Variants in FCHSD2 observed in about 807,000 individuals in gnomAD.
FCHSD2 encodes the protein F-BAR and double SH3 domains protein 2.
FCHSD2 carries 38 observed loss-of-function variants against 108.1 expected under a neutral mutation model. The observed-to-expected ratio is 0.35, with a 90% CI of 0.27 to 0.46. The LOEUF is 0.46. Ranked by LOEUF, FCHSD2 falls within the 20% of genes least tolerant of loss-of-function variation. The pLI is 1.00. For missense variants in FCHSD2, 751 were observed against 897.8 expected (o/e 0.84, Z 2.09); for synonymous variants, 279 against 314.7 (o/e 0.89, Z 1.20).
chr11:72,947,173 T>C (rs1856537028), intron 8 of FCHSD2, among the ~76,000 whole-genome samples: 2 of 152,198 alleles, frequency 1.3e-5, no homozygotes, highest in African/African-American at 4.8e-5. Flanking sequence ...TTCCAATATA[T>C]CTTATTTCTT....
chr11:72,944,594 A>C (rs1856483204), intron 8 of FCHSD2, among the ~76,000 whole-genome samples: 1 of 152,174 alleles, frequency 6.6e-6, no homozygotes, highest in African/African-American at 2.4e-5. Context: ...TAATTAGGAA[A>C]AGAGGAAGTC....
chr11:73,083,342 A>G (rs1420437748), intron 3 of FCHSD2, among the ~76,000 whole-genome samples: 2 of 152,158 alleles, frequency 1.3e-5, no homozygotes, highest in African/African-American at 4.8e-5. Flanking sequence ...TAAGGTCAAG[A>G]GATCGAGACC....
chr11:73,089,590 G>A (rs1233190639), intron 2 of FCHSD2, among the ~76,000 whole-genome samples: 1 of 152,144 alleles, frequency 6.6e-6, no homozygotes, highest in Non-Finnish European at 1.5e-5. Context: ...ATAATGGAAT[G>A]TTATTCAGCC....
chr11:72,997,061 C>G (rs1857531572), intron 5 of FCHSD2, among the ~76,000 whole-genome samples: 1 of 152,106 alleles, frequency 6.6e-6, no homozygotes, highest in South Asian at 2.1e-4. Context: ...TGCAGAAAAG[C>G]AAGTCCAAAA....
chr11:72,965,873 T>C (rs1310690928), intron 8 of FCHSD2, among the ~76,000 whole-genome samples: 2 of 152,230 alleles, frequency 1.3e-5, no homozygotes, highest in Non-Finnish European at 2.9e-5. Flanking sequence ...CTGTGTGTAA[T>C]ACAGTCATAA....
chr11:72,874,102 A>T (rs1854919202), intron 12 of FCHSD2, among the ~76,000 whole-genome samples: 2 of 152,204 alleles, frequency 1.3e-5, no homozygotes, highest in African/African-American at 4.8e-5. Flanking sequence ...ATAAAAAAAA[A>T]TTTAATGTGC....
intron 8 of FCHSD2, among the ~76,000 whole-genome samples, chr11:72,929,561 T>A (rs2135323366): frequency 6.6e-6 from 1 of 152,254 alleles, no homozygotes; most frequent in East Asian, 1.9e-4. Context: ...TATGATTTGC[T>A]CCAGCCCCCT....
chr11:73,021,771 C>T (rs563733061), intron 3 of FCHSD2, among the ~76,000 whole-genome samples: 21 of 152,102 alleles, frequency 1.4e-4, no homozygotes, highest in East Asian at 3.9e-4. Context: ...CAGAAGAATA[C>T]GTCCTTAACC....
chr11:72,941,552 C>G (rs1363674965), intron 8 of FCHSD2, among the ~76,000 whole-genome samples: 1 of 151,760 alleles, frequency 6.6e-6, no homozygotes, highest in Non-Finnish European at 1.5e-5. Flanking sequence ...TTTCTTTTAA[C>G]TCATCACTGG....
chr11:73,017,043 C>T (rs1012041106), intron 3 of FCHSD2, among the ~76,000 whole-genome samples: 12 of 152,122 alleles, frequency 7.9e-5, no homozygotes, highest in African/African-American at 2.4e-4. Context: ...AGTGCAGTGG[C>T]GCGATCATGG....
chr11:73,091,022 C>T (rs1859944335), intron 2 of FCHSD2, among the ~76,000 whole-genome samples: 1 of 152,096 alleles, frequency 6.6e-6, no homozygotes, highest in Non-Finnish European at 1.5e-5. Context: ...TTATATGTGA[C>T]CTTTTGTGTC....
intron 9 of FCHSD2, among the ~76,000 whole-genome samples, chr11:72,911,103 T>A (rs1027107198): frequency 1.3e-5 from 2 of 152,202 alleles, no homozygotes; most frequent in Non-Finnish European, 2.9e-5. Flanking sequence ...TGTTTTCTTT[T>A]AGTAGTTTCA....
Position 73,014,715 on chromosome 11 carries a change from G to A in FCHSD2, c.242+1094C>T, listed in dbSNP as rs191533302. On this transcript the variant is annotated intron_variant, in intron 4 of 19. Transcript: ENST00000409418. ...CTGGATTCTCTGCTATTGTTTGAAG[G>A]GTATTTGGTCATAATCCTAACCAGA... Among the ~76,000 whole-genome samples, 184 of 152,114 alleles carry A rather than the reference G, an allele frequency of 1.2e-3. 1 individual carries two copies. Among genetic ancestry groups the A allele is most frequent in the African/African-American group, 4.3e-3 (179 of 41,478 alleles).
chr11:72,864,373 C>A (rs747975143), intron 13 of FCHSD2, among the ~76,000 whole-genome samples: 1 of 152,072 alleles, frequency 6.6e-6, no homozygotes, highest in Non-Finnish European at 1.5e-5. Context: ...CTAGCCTGGG[C>A]AACATGGTGA....
At chr11:73,127,584 C>G (rs1472420220) in intron 2 of FCHSD2, among the ~76,000 whole-genome samples, 1 of 152,150 alleles carries the variant, frequency 6.6e-6, no homozygotes, top group African/African-American at 2.4e-5. Context: ...CTGTGGGGCT[C>G]AAATGAACAT....
intron 8 of FCHSD2, among the ~76,000 whole-genome samples, chr11:72,968,090 CAAA>C (rs10670606): frequency 1.0e-4 from 9 of 87,528 alleles, no homozygotes; most frequent in Admixed American, 2.6e-4. Context: ...GACTCTGTCT[CAAA>C]AAAAAAAAAA....
At chr11:73,027,709 G>A (rs775545070) in intron 3 of FCHSD2, among the ~76,000 whole-genome samples, 79 of 152,358 alleles carry the variant, frequency 5.2e-4, no homozygotes, top group Non-Finnish European at 7.3e-4. Flanking sequence ...TGCACTCCCC[G>A]CCATCACAGG....
At chr11:73,053,512 TA>T (rs1858951280) in intron 3 of FCHSD2, among the ~76,000 whole-genome samples, 1 of 152,212 alleles carries the variant, frequency 6.6e-6, no homozygotes, top group African/African-American at 2.4e-5. Flanking sequence ...AACATATTTT[TA>T]AATCTGGTTT....
At chr11:72,845,752 CT>C (rs1861114699) in intron 14 of FCHSD2, among the ~76,000 whole-genome samples, 1 of 152,218 alleles carries the variant, frequency 6.6e-6, no homozygotes, top group Non-Finnish European at 1.5e-5. Flanking sequence ...CCATCAGGCT[CT>C]GTTCCCTCTT....
Sources: gnomAD v4.1 joint callset for allele counts (sites outside exome capture counted in the v4.1 genomes callset) on GRCh38, gnomAD v4.1.1 for gene constraint, MANE v1.5 for transcripts, NCBI Gene and HGNC (gene_info 2026-07-23, HGNC 2026-07-21) for gene names.